GRXCR1: variants seen among roughly 807,000 people sequenced by gnomAD.
GRXCR1 encodes the protein glutaredoxin and cysteine rich domain containing 1, also known as glutaredoxin domain-containing cysteine-rich protein 1.
In GRXCR1, 27 loss-of-function variants were observed where a neutral mutation model predicts 27.3. The ratio of observed to expected loss-of-function variants is 0.99; its 90% CI spans 0.73 to 1.37. GRXCR1 has a LOEUF of 1.37. Ranked by LOEUF, GRXCR1 falls within the 40% of genes most tolerant of loss-of-function variation. The probability of loss-of-function intolerance (pLI) is 0.00; values close to 1 mark genes in which losing one functional copy is unlikely to be tolerated. For synonymous variants in GRXCR1, 122 were observed against 131.1 expected, an observed-to-expected ratio of 0.93 and a Z score of 0.47; for missense variants, 379 against 354.4, an observed-to-expected ratio of 1.07 and a Z score of -0.56.
At chr4:42,977,955 A>T (rs918022308) in intron 2 of GRXCR1, among the ~76,000 whole-genome samples, 4 of 152,020 alleles carry the variant, frequency 2.6e-5, no homozygotes, top group Non-Finnish European at 4.4e-5. Context: ...TTAGGTCTGT[A>T]ATCCATTTTC....
chr4:42,981,347 C>T (rs575497916), intron 2 of GRXCR1, among the ~76,000 whole-genome samples: 5 of 152,110 alleles, frequency 3.3e-5, no homozygotes, highest in Admixed American at 3.3e-4. Context: ...ATGTGCCCCC[C>T]CATATTTTGA....
At chr4:43,000,702 A>G (rs1404554900) in intron 2 of GRXCR1, among the ~76,000 whole-genome samples, 1 of 152,034 alleles carries the variant, frequency 6.6e-6, no homozygotes, top group Admixed American at 6.6e-5. Context: ...ACCTCAGTAT[A>G]TATAGGCTTC....
intron 1 of GRXCR1, among the ~76,000 whole-genome samples, chr4:42,952,398 C>T (rs1390339953): frequency 6.6e-6 from 1 of 152,054 alleles, no homozygotes; most frequent in South Asian, 2.1e-4. Context: ...GCACTGACCT[C>T]GTGAAGGGGC....
chr4:43,011,718 G>A (rs984036379), intron 2 of GRXCR1, among the ~76,000 whole-genome samples: 1 of 152,258 alleles, frequency 6.6e-6, no homozygotes, highest in East Asian at 1.9e-4. Context: ...AGCAACATAT[G>A]ACTTGTTAGT....
chr4:43,012,539 G>A (rs6830113), intron 2 of GRXCR1, among the ~76,000 whole-genome samples: 3,348 of 152,142 alleles, frequency 0.022, 119 homozygotes, highest in African/African-American at 0.076. Flanking sequence ...ATTCTTAGTT[G>A]CTCTTTGGGA....
At chr4:42,902,541 T>A (rs1266450492) in intron 1 of GRXCR1, among the ~76,000 whole-genome samples, 1 of 152,188 alleles carries the variant, frequency 6.6e-6, no homozygotes, top group Non-Finnish European at 1.5e-5. Flanking sequence ...TGATGGCATT[T>A]AGATAGATTC....
intron 3 of GRXCR1, among the ~76,000 whole-genome samples, chr4:43,022,817 G>C (rs981731712): frequency 1.3e-5 from 2 of 152,152 alleles, no homozygotes; most frequent in African/African-American, 2.4e-5. Flanking sequence ...CAATTTTCAT[G>C]ATGCAGGAAA....
intron 2 of GRXCR1, among the ~76,000 whole-genome samples, chr4:43,007,032 T>C (rs997893895): frequency 1.3e-5 from 2 of 152,150 alleles, no homozygotes; most frequent in Non-Finnish European, 2.9e-5. Context: ...AGGGGAGCAG[T>C]AGAGGAGCAG....
chr4:42,921,122 C>T (rs1195275701), intron 1 of GRXCR1, among the ~76,000 whole-genome samples: 1 of 151,964 alleles, frequency 6.6e-6, no homozygotes. Flanking sequence ...ATGATGAGAT[C>T]CTGAGGGTGG....
chr4:43,017,513 G>A (rs184625641), intron 2 of GRXCR1, among the ~76,000 whole-genome samples: 27 of 151,878 alleles, frequency 1.8e-4, no homozygotes, highest in African/African-American at 5.8e-4. Context: ...TGCTTACTTC[G>A]CACCAATGCT....
intron 3 of GRXCR1, among the ~76,000 whole-genome samples, chr4:43,025,618 G>T (rs1282757389): frequency 6.6e-6 from 1 of 152,194 alleles, no homozygotes; most frequent in Non-Finnish European, 1.5e-5. Context: ...TTCTCAACCA[G>T]GTCTGCCTGG....
At chr4:42,953,795 C>T (rs1465283134) in intron 1 of GRXCR1, among the ~76,000 whole-genome samples, 1 of 151,946 alleles carries the variant, frequency 6.6e-6, no homozygotes, top group East Asian at 1.9e-4. Flanking sequence ...GTGTCAATAA[C>T]ATTTTATAAT....
intron 2 of GRXCR1, among the ~76,000 whole-genome samples, chr4:42,965,833 A>G (rs1443070670): frequency 2.0e-5 from 3 of 152,000 alleles, no homozygotes; most frequent in African/African-American, 7.2e-5. Context: ...GACGGAGAAC[A>G]AGAGAACATT....
chr4:42,989,365 C>G (rs965440840), intron 2 of GRXCR1, among the ~76,000 whole-genome samples: 3 of 152,032 alleles, frequency 2.0e-5, no homozygotes, highest in African/African-American at 7.2e-5. Flanking sequence ...TGGATTAGGT[C>G]CTTACTCTTC....
chr4:42,951,436 GAGA>G (rs1250044310), intron 1 of GRXCR1, among the ~76,000 whole-genome samples: 3 of 152,152 alleles, frequency 2.0e-5, no homozygotes, highest in Admixed American at 6.5e-5. Flanking sequence ...GCAAAGGCTT[GAGA>G]TTGGTTTTCT....
At chr4:42,898,946 A>G (rs1306771113) in intron 1 of GRXCR1, among the ~76,000 whole-genome samples, 2 of 152,128 alleles carry the variant, frequency 1.3e-5, no homozygotes, top group Non-Finnish European at 2.9e-5. Context: ...TGACTTATGT[A>G]AAAAGCAGGA....
chr4:42,996,094 C>T (rs1329973855), intron 2 of GRXCR1, among the ~76,000 whole-genome samples: 2 of 151,890 alleles, frequency 1.3e-5, no homozygotes, highest in Non-Finnish European at 2.9e-5. Flanking sequence ...GAAGCATGCA[C>T]AAAAAATTAT....
chr4:43,004,180 A>G (rs933630734), intron 2 of GRXCR1, among the ~76,000 whole-genome samples: 2 of 152,232 alleles, frequency 1.3e-5, no homozygotes, highest in African/African-American at 4.8e-5. Context: ...TCAGAGGTTT[A>G]AGCCTCAAGC....
At chr4:43,029,948 G>T (rs1390303782) in intron 3 of GRXCR1, among the ~76,000 whole-genome samples, 2 of 151,390 alleles carry the variant, frequency 1.3e-5, no homozygotes, top group Non-Finnish European at 2.9e-5. Flanking sequence ...TTCCAGACTT[G>T]CTATTAATAT....
Sources: gnomAD v4.1 joint callset for allele counts (sites outside exome capture counted in the v4.1 genomes callset) on GRCh38, gnomAD v4.1.1 for gene constraint, MANE v1.5 for transcripts, NCBI Gene and HGNC (gene_info 2026-07-23, HGNC 2026-07-21) for gene names.